NKD2: variants seen among roughly 807,000 people sequenced by gnomAD.
NKD2 encodes protein naked cuticle homolog 2.
In NKD2, 43 loss-of-function variants were observed where a neutral mutation model predicts 34.8. The observed-to-expected ratio is 1.24, with a 90% CI of 0.97 to 1.60. The LOEUF (loss-of-function observed/expected upper bound fraction) is 1.60. Ranked by LOEUF, NKD2 falls within the 40% of genes most tolerant of loss-of-function variation. The pLI is 0.00. For synonymous variants in NKD2, 278 were observed against 265.1 expected (o/e 1.05, Z -0.47); for missense variants, 675 against 627.1 (o/e 1.08, Z -0.82).
At chr5:1,029,631 A>AGTGCGTGAT (rs2150743168) in intron 3 of NKD2, among the ~76,000 whole-genome samples, 1 of 152,270 alleles carries the variant, frequency 6.6e-6, no homozygotes, top group South Asian at 2.1e-4. Flanking sequence ...TTATGCGTGG[A>AGTGCGTGAT]GTGCGTGATG....
chr5:1,032,148 G>T lies in NKD2; in HGVS notation c.142-4G>T, dbSNP rs755809890. The T allele has an allele frequency of 1.2e-6, 2 of 1,611,140 alleles. No individual in the cohort carries two copies. Among genetic ancestry groups the T allele is most frequent in the Non-Finnish European group, 1.7e-6 (2 of 1,179,018 alleles). ...GGCCACTGACTGCCCCGTTCTTCCT[G>T]CAGGAGCTGCCCAATGGGGACCCCA... On this transcript the variant is annotated splice_polypyrimidine_tract_variant and splice_region_variant and intron_variant, in intron 3 of 9. Transcript: ENST00000296849.
Position 1,009,509 on chromosome 5 carries a change from G to C in NKD2, c.90G>C (p.Ala30=). 1 of 1,497,452 alleles carries C rather than the reference G, an allele frequency of 6.7e-7. No homozygotes were observed. The allele number at this position is 1,497,452 out of a possible 1,614,324, so 92.8% of individuals were successfully genotyped here. A position where few individuals can be genotyped will look rare whatever the true frequency, so the allele number is the denominator to read the frequency against. The stretch of plus-strand genomic sequence containing the variant: ...ACAGCTTCGTGGCGTCCGCGTACGC[G>C]AGCGGCCGCAAAGGCGCGGAGGAAG... ...EGDSFVASAY[A]SGRKGAEEAE... Residue 30 remains alanine (A), a synonymous_variant, in exon 3 of 10, where the codon GCG becomes GCC. Transcript: ENST00000296849. This position sits in a 1 kb window ranked among gnomAD's most constrained non-coding sequence, Gnocchi z 6.9.
At chr5:1,019,463 T>G (rs1416301487) in intron 3 of NKD2, among the ~76,000 whole-genome samples, 4 of 152,214 alleles carry the variant, frequency 2.6e-5, no homozygotes, top group Non-Finnish European at 4.4e-5. Flanking sequence ...CTCTGCAGCC[T>G]CGGCCAATAG....
chr5:1,011,472 A>G (rs536218038), intron 3 of NKD2, among the ~76,000 whole-genome samples: 50 of 152,288 alleles, frequency 3.3e-4, no homozygotes, highest in African/African-American at 1.1e-3. Context: ...AGCCTCGCCC[A>G]TCGTCCTTGT....
Position 1,033,383 on chromosome 5 carries a change from G to A in NKD2, c.214G>A (p.Ala72Thr), listed in dbSNP as rs144426465. The A allele has an allele frequency of 4.3e-4, 695 of 1,598,456 alleles. 4 individuals carry two copies. The highest frequency in any genetic ancestry group is 3.7e-4 in the Admixed American group (22 of 58,880). ...DQCPLQVALP[A>T]EKAEGREHPG... ...TCTTGTCCCCCTAGTGGCACTCCCC[G>A]CTGAGAAAGCTGAGGGCCGCGAGCA... The change falls in exon 5 of 10, where the codon GCT (alanine) becomes ACT (threonine). Residue 72 changes from alanine (A) to threonine (T), a missense_variant. Coordinates refer to ENST00000296849, the MANE Select transcript of NKD2 (RefSeq NM_033120.4).
chr5:1,033,900 T>G (rs915829596), intron 5 of NKD2, among the ~76,000 whole-genome samples: 40 of 152,264 alleles, frequency 2.6e-4, no homozygotes, highest in Non-Finnish European at 1.2e-4. Flanking sequence ...CCGTGTCCAG[T>G]CAAGATTTCT....
chr5:1,008,868 T>C lies in NKD2; in HGVS notation c.-190T>C. On this transcript the variant is annotated 5_prime_UTR_variant, in exon 1 of 10. Coordinates refer to ENST00000296849, the MANE Select transcript of NKD2 (RefSeq NM_033120.4). ...GCCCTGCGCCCGGTGGCCCCCCACC[T>C]CCGCCCCGCGGCCGTACCTGGCGCC... The C allele has an allele frequency of 2.8e-6, 1 of 353,908 alleles. No individual in the cohort carries two copies. Among genetic ancestry groups the C allele is most frequent in the East Asian group, 4.2e-5 (1 of 23,916 alleles). 21.9% of individuals were successfully genotyped at this position (353,908 alleles called of 1,614,324 possible).
At chr5:1,031,369 T>C (rs1451780250) in intron 3 of NKD2, among the ~76,000 whole-genome samples, 1 of 152,182 alleles carries the variant, frequency 6.6e-6, no homozygotes, top group Non-Finnish European at 1.5e-5. Flanking sequence ...TGGACGGGAC[T>C]GAGCTCTGTG....
chr5:1,021,279 T>G (rs369745489), intron 3 of NKD2, among the ~76,000 whole-genome samples: 2 of 152,018 alleles, frequency 1.3e-5, no homozygotes, highest in African/African-American at 4.8e-5. Context: ...CTAGGGCTTA[T>G]GTGGGAAGCC....
chr5:1,026,443 T>C (rs1457357463), intron 3 of NKD2, among the ~76,000 whole-genome samples: 1 of 79,468 alleles, frequency 1.3e-5, no homozygotes, highest in South Asian at 4.8e-4. Context: ...TCCCACCCTC[T>C]GTGGGCGTCT....
intron 3 of NKD2, among the ~76,000 whole-genome samples, chr5:1,018,083 G>A (rs76079741): frequency 0.024 from 3,638 of 152,234 alleles, 144 homozygotes; most frequent in African/African-American, 0.081. Flanking sequence ...TAGGCCTGGA[G>A]GACGGGACGG....
At chr5:1,022,105 T>C (rs994805487) in intron 3 of NKD2, among the ~76,000 whole-genome samples, 1 of 147,142 alleles carries the variant, frequency 6.8e-6, no homozygotes, top group Non-Finnish European at 1.5e-5. Flanking sequence ...CCTGCACCCT[T>C]GACCTTGCTG....
intron 8 of NKD2, 22 bp from the exon 9 acceptor site, chr5:1,036,235 C>A: frequency 1.3e-6 from 2 of 1,572,094 alleles, no homozygotes; most frequent in South Asian, 1.2e-5. Flanking sequence ...GGGGGTCAGG[C>A]CCTTCTCTGT....
chr5:1,011,195 C>T lies in NKD2; in HGVS notation c.141+1635C>T, dbSNP rs552205711. ...AACAAACTCAGAATCAAAGGCTGTC[C>T]TGTGAATTAAATACATTTCAGCTTT... On this transcript the variant is annotated intron_variant, in intron 3 of 9. Transcript: ENST00000296849. Among the ~76,000 whole-genome samples the T allele has an allele frequency of 2.0e-5, 3 of 152,226 alleles. No individual in the cohort carries two copies. In the South Asian group the frequency reaches 6.2e-4, roughly 32 times the overall value.
chr5:1,011,099 G>T lies in NKD2; in HGVS notation c.141+1539G>T, dbSNP rs548196549. Among the ~76,000 whole-genome samples, 9 of 152,342 alleles carry T rather than the reference G, an allele frequency of 5.9e-5. No homozygotes were observed. In the East Asian group the frequency reaches 1.2e-3, roughly 20 times the overall value. ...TTTAGAGAATAGCTTGGGAATTGGG[G>T]CTTGCTTGGATTGTTACCTTCTAAT... On this transcript the variant is annotated intron_variant, in intron 3 of 9. Transcript: ENST00000296849.
intron 3 of NKD2, among the ~76,000 whole-genome samples, chr5:1,015,935 C>T (rs1055271287): frequency 2.0e-5 from 3 of 152,222 alleles, no homozygotes; most frequent in South Asian, 4.1e-4. Flanking sequence ...CCAGAGCTTT[C>T]AGTCTCTGCC....
At chr5:1,037,553 C>A (rs1172305623) in intron 9 of NKD2, 2 of 1,535,954 alleles carry the variant, frequency 1.3e-6, no homozygotes, top group East Asian at 4.9e-5. Flanking sequence ...AGCTCCGCTC[C>A]CAGGACACAC....
At chr5:1,021,045 G>C (rs1055711924) in intron 3 of NKD2, among the ~76,000 whole-genome samples, 1 of 152,106 alleles carries the variant, frequency 6.6e-6, no homozygotes, top group Non-Finnish European at 1.5e-5. Flanking sequence ...TGAAGAGGGA[G>C]ACAGAAACAT....
rs973514661 is a variant in NKD2 at position 1,021,850 on chromosome 5, G to A, written c.142-10302G>A. 1.5e-4 allele frequency among the ~76,000 whole-genome samples: 23 copies of A among 152,192 alleles called. No individual in the cohort carries two copies. The East Asian group carries it at 3.7e-3, about 24-fold the overall frequency. On this transcript the variant is annotated intron_variant, in intron 3 of 9. Coordinates refer to ENST00000296849, the MANE Select transcript of NKD2 (RefSeq NM_033120.4). ...TCTGAGCTCCCAGCAGGGATAAGGC[G>A]GATGGGGTGGTGGTCTTTGCATTTA...
Sources: allele counts gnomAD v4.1 joint callset (sites outside exome capture counted in the v4.1 genomes callset), GRCh38; gene constraint gnomAD v4.1.1; non-coding constraint Gnocchi (gnomAD v3.1); transcripts MANE v1.5; gene names NCBI Gene and HGNC (gene_info 2026-07-23, HGNC 2026-07-21).